The following SPARCL1 variants were observed in gnomAD, a reference collection of about 807,000 sequenced individuals.
SPARCL1 encodes the protein SPARC like 1, also known as SPARC-like protein 1.
Under a neutral mutation model 67.1 loss-of-function variants are expected in SPARCL1, and 52 were observed. That is an observed-to-expected ratio of 0.78 (90% CI 0.62 to 0.98). SPARCL1 has a LOEUF of 0.98. Ranked by LOEUF, SPARCL1 falls within the 50% of genes least tolerant of loss-of-function variation. The pLI is 0.00. For synonymous variants in SPARCL1, 226 were observed against 267.8 expected (o/e 0.84, Z 1.52); for missense variants, 717 against 782.4 (o/e 0.92, Z 1.00).
intron 8 of SPARCL1, 35 bp downstream of exon 8, chr4:87,482,385 TAGAC>T: frequency 6.2e-7 from 1 of 1,605,680 alleles, no homozygotes. Flanking sequence ...TCATGCCCTG[TAGAC>T]AGACATTGAA....
intron 1 of SPARCL1, among the ~76,000 whole-genome samples, chr4:87,525,634 T>C (rs1173449727): frequency 6.6e-6 from 1 of 152,196 alleles, no homozygotes; most frequent in Non-Finnish European, 1.5e-5. Context: ...TTTTAGCAGC[T>C]CTCTTGTTGA....
chr4:87,495,151 T>C (rs1271290792), intron 2 of SPARCL1, 24 bp from the exon 3 acceptor site: 2 of 1,596,448 alleles, frequency 1.3e-6, no homozygotes, highest in South Asian at 1.2e-5. Flanking sequence ...AAACTGGTTT[T>C]TGTTATTCAT....
intron 7 of SPARCL1, among the ~76,000 whole-genome samples, chr4:87,482,974 A>C (rs10461161): frequency 0.22 from 32,679 of 151,992 alleles, 5,311 homozygotes; most frequent in African/African-American, 0.46. Context: ...GCTAAATCTC[A>C]GTGGCTTAAA....
chr4:87,474,441 T>A (rs564012680), intron 10 of SPARCL1, among the ~76,000 whole-genome samples: 2 of 152,034 alleles, frequency 1.3e-5, no homozygotes, highest in Non-Finnish European at 2.9e-5. Flanking sequence ...AAAATGGAGA[T>A]AATAGCTTCA....
At chr4:87,495,983 G>A (rs938929577) in intron 2 of SPARCL1, among the ~76,000 whole-genome samples, 3 of 152,108 alleles carry the variant, frequency 2.0e-5, no homozygotes, top group African/African-American at 7.2e-5. Flanking sequence ...AGGGCACTAA[G>A]CCTAAGTAGA....
At chr4:87,521,564 T>G (rs1018010379) in intron 1 of SPARCL1, among the ~76,000 whole-genome samples, 2 of 152,198 alleles carry the variant, frequency 1.3e-5, no homozygotes, top group Admixed American at 1.3e-4. Flanking sequence ...AGTGGTTAGC[T>G]CCTTCTGTGG....
chr4:87,513,306 T>C (rs1039538241), intron 1 of SPARCL1, among the ~76,000 whole-genome samples: 1 of 152,232 alleles, frequency 6.6e-6, no homozygotes, highest in Non-Finnish European at 1.5e-5. Flanking sequence ...TTTGGCCAAA[T>C]GTACAAGGCT....
chr4:87,493,943 T>G lies in SPARCL1; in HGVS notation c.857A>C (p.Lys286Thr), dbSNP rs2110228944. Reference protein sequence around the residue: ...MEEENASNVNKHIQETEWQSQ... With the variant: ...MEEENASNVNTHIQETEWQSQ... ...CTGCCATTCAGTTTCTTGAATGTGCTTATTGACGTTCGATGCATTTTCCTC... is the reference window on the plus strand; with the variant it reads ...CTGCCATTCAGTTTCTTGAATGTGCGTATTGACGTTCGATGCATTTTCCTC... Residue 286 changes from lysine (K) to threonine (T), a missense_variant, in exon 4 of 11, where the codon AAG (lysine) becomes ACG (threonine). By Grantham distance (78) the Lys-to-Thr change is moderately conservative. Coordinates refer to ENST00000282470, the MANE Select transcript of SPARCL1 (RefSeq NM_004684.6). 1.2e-6 allele frequency: 2 copies of G among 1,614,218 alleles called. No homozygotes were observed. The highest frequency in any genetic ancestry group is 3.3e-4 in the Middle Eastern group (2 of 6,060).
In SPARCL1 at chr4:87,517,255, C is replaced by T. The variant is rs544417278; in HGVS notation, c.-12+11790G>A. On this transcript the variant is annotated intron_variant, in intron 1 of 10. Transcript: ENST00000282470. The stretch of plus-strand genomic sequence containing the variant: ...ACTAGGAAGCTTGAGTTTCAAGGCC[C>T]CTCACTTGTGCAGCCTCCATACAAA... 2.0e-5 allele frequency among the ~76,000 whole-genome samples: 3 copies of T among 152,106 alleles called. No homozygotes were observed. In the South Asian group the frequency reaches 6.2e-4, roughly 32 times the overall value.
chr4:87,495,197 T>A (rs1724568983), intron 2 of SPARCL1, 70 bp from the exon 3 acceptor site: 10 of 1,316,808 alleles, frequency 7.6e-6, no homozygotes, highest in Non-Finnish European at 9.6e-6. Flanking sequence ...CTAGTTACTC[T>A]TGTTGTCATC....
chr4:87,512,955 T>C (rs1725433649), intron 1 of SPARCL1, among the ~76,000 whole-genome samples: 1 of 152,198 alleles, frequency 6.6e-6, no homozygotes. Context: ...TATAAAATAG[T>C]ATGAAGATTA....
rs559728275 is a variant in SPARCL1, at chr4:87,491,829, G to T, written c.1219-139C>A. The T allele has an allele frequency of 4.3e-4, 288 of 672,270 alleles. 1 individual carries two copies. In the Middle Eastern group the frequency reaches 6.2e-3, roughly 14 times the overall value. 41.6% of individuals were successfully genotyped at this position (672,270 alleles called of 1,614,324 possible). A position where few individuals can be genotyped will look rare whatever the true frequency, so the allele number is the denominator to read the frequency against. ...ATCTCAGAAAGGGAAACCAGGCTGG[G>T]TGTGGTGGCTCACATGTGTAATCCC... On this transcript the variant is annotated intron_variant, in intron 4 of 10. Transcript: ENST00000282470.
At chr4:87,528,322 C>T (rs1726136259) in intron 1 of SPARCL1, 1 of 151,998 alleles carries the variant, frequency 6.6e-6, no homozygotes, top group African/African-American at 2.4e-5. Flanking sequence ...TATGAGTTAC[C>T]ATAATCTCTT....
intron 1 of SPARCL1, among the ~76,000 whole-genome samples, chr4:87,517,252 G>A (rs1008501498): frequency 1.3e-5 from 2 of 152,002 alleles, no homozygotes; most frequent in Non-Finnish European, 2.9e-5. Context: ...GAGTTTCAAG[G>A]CCCCTCACTT....
intron 10 of SPARCL1, among the ~76,000 whole-genome samples, chr4:87,477,982 A>T (rs947354062): frequency 2.0e-5 from 3 of 152,210 alleles, no homozygotes; most frequent in Non-Finnish European, 4.4e-5. Flanking sequence ...TTACCTATTT[A>T]TTAATAAGTA....
Position 87,473,585 on chromosome 4 carries a change from C to A in SPARCL1, c.*190G>T. 1 of 456,758 alleles carries A rather than the reference C, an allele frequency of 2.2e-6. No homozygotes were observed. Among genetic ancestry groups the A allele is most frequent in the Non-Finnish European group, 3.9e-6 (1 of 255,958 alleles). 28.3% of individuals were successfully genotyped at this position (456,758 alleles called of 1,614,324 possible). A position where few individuals can be genotyped will look rare whatever the true frequency, so the allele number is the denominator to read the frequency against. On this transcript the variant is annotated 3_prime_UTR_variant, in exon 11 of 11. Transcript: ENST00000282470. ...CATATGTTGACTTTACTTAATTGTA[C>A]ATTTTTGTTTCCAAAGTTAATGTTA...
At chr4:87,491,884 C>T (rs1353557705) in intron 4 of SPARCL1, among the ~76,000 whole-genome samples, 194 bp from the exon 5 acceptor site, 1 of 150,442 alleles carries the variant, frequency 6.6e-6, no homozygotes. Flanking sequence ...GTGGGAGGAT[C>T]ACTTGAGCCC....
chr4:87,519,918 G>A (rs1353298757), intron 1 of SPARCL1, among the ~76,000 whole-genome samples: 2 of 152,072 alleles, frequency 1.3e-5, no homozygotes, highest in Non-Finnish European at 2.9e-5. Flanking sequence ...GGCTGAAAGG[G>A]TGACACACAG....
chr4:87,503,127 T>C (rs1217100937), intron 1 of SPARCL1, among the ~76,000 whole-genome samples: 2 of 152,202 alleles, frequency 1.3e-5, no homozygotes, highest in South Asian at 4.1e-4. Context: ...AATAAGCTTT[T>C]TCCTGTTTGT....
Sources: allele counts gnomAD v4.1 joint callset (sites outside exome capture counted in the v4.1 genomes callset), GRCh38; gene constraint gnomAD v4.1.1; transcripts MANE v1.5; gene names NCBI Gene and HGNC (gene_info 2026-07-23, HGNC 2026-07-21).